Variants in SCML4 observed in about 807,000 individuals in gnomAD.
The protein encoded by SCML4 is sex comb on midleg-like protein 4.
Under a neutral mutation model 41.1 loss-of-function variants are expected in SCML4, and 34 were observed. The ratio of observed to expected loss-of-function variants is 0.83; its 90% CI spans 0.63 to 1.10. The LOEUF is 1.10. Among genes scored for constraint, SCML4 ranks in the 50% least tolerant of loss-of-function variants. SCML4 has a pLI of 0.00. For missense variants in SCML4, 522 were observed against 534.1 expected (o/e 0.98, Z 0.22); for synonymous variants, 214 against 220.9 (o/e 0.97, Z 0.28).
chr6:107,747,075 C>T (rs949384404), intron 3 of SCML4, among the ~76,000 whole-genome samples, 186 bp from the exon 4 acceptor site: 9 of 152,170 alleles, frequency 5.9e-5, no homozygotes, highest in African/African-American at 1.9e-4. Context: ...GAGTTAGACA[C>T]CCCAAGTGCC....
At chr6:107,712,018 A>C (rs1263032423) in intron 6 of SCML4, among the ~76,000 whole-genome samples, 4 of 152,124 alleles carry the variant, frequency 2.6e-5, no homozygotes, top group Non-Finnish European at 4.4e-5. Flanking sequence ...GGGTCCCATA[A>C]GGTGGTTTGG....
At position 107,764,415 on chromosome 6, in the gene SCML4, G is replaced by A. The variant is rs184201240; in HGVS notation, c.156+7757C>T. On this transcript the variant is annotated intron_variant, in intron 2 of 7. Coordinates refer to ENST00000369020, the MANE Select transcript of SCML4 (RefSeq NM_198081.5). ...ACAGTGAAAGCAGAAGGGGATGCTT[G>A]GAGGTGGGAGTGGAATGGCCCACCC... is the stretch of plus-strand genomic sequence containing the variant. 6.2e-4 allele frequency among the ~76,000 whole-genome samples: 94 copies of A among 152,344 alleles called. 1 individual carries two copies. The Middle Eastern group carries it at 0.024, about 39-fold the overall frequency.
At chr6:107,750,349 G>A (rs1778509024) in intron 2 of SCML4, among the ~76,000 whole-genome samples, 1 of 152,232 alleles carries the variant, frequency 6.6e-6, no homozygotes, top group African/African-American at 2.4e-5. Flanking sequence ...AACTAGGCTG[G>A]ATGTGGACAC....
chr6:107,716,110 T>C (rs898306260), intron 6 of SCML4, among the ~76,000 whole-genome samples: 2 of 152,192 alleles, frequency 1.3e-5, no homozygotes, highest in Non-Finnish European at 2.9e-5. Context: ...CAAGTCAGCA[T>C]GGTTTTTATC....
At position 107,702,444 on chromosome 6, in the gene SCML4, T is replaced by G. The variant is rs773988728; in HGVS notation, c.*2756A>C. Among the ~76,000 whole-genome samples, 2 of 152,172 alleles carry G rather than the reference T, an allele frequency of 1.3e-5. No individual in the cohort carries two copies. Among genetic ancestry groups the G allele is most frequent in the Non-Finnish European group, 2.9e-5 (2 of 68,022 alleles). Reference sequence around the variant, plus strand: ...GACTCTGTAGTGAAGGAGGCACTGATGAGGGTGGGTAGGAAGTTTTGAAAA... The same window carrying G: ...GACTCTGTAGTGAAGGAGGCACTGAGGAGGGTGGGTAGGAAGTTTTGAAAA... On this transcript the variant is annotated 3_prime_UTR_variant, in exon 8 of 8. Transcript: ENST00000369020.
At chr6:107,778,103 C>A (rs1192744738) in intron 1 of SCML4, among the ~76,000 whole-genome samples, 1 of 147,376 alleles carries the variant, frequency 6.8e-6, no homozygotes, top group African/African-American at 2.6e-5. Context: ...GTAGTCCCAG[C>A]TATTCGGGAG....
At chr6:107,841,072 C>T in the SCML4 span, among the ~76,000 whole-genome samples, 150 of 152,236 alleles carry the variant, frequency 9.9e-4, no homozygotes, top group Admixed American at 1.8e-3. Flanking sequence ...ACACCATCTC[C>T]CTCCTGTCAA....
chr6:107,786,019 G>C (rs1781866996), intron 1 of SCML4, among the ~76,000 whole-genome samples: 1 of 152,128 alleles, frequency 6.6e-6, no homozygotes, highest in Admixed American at 6.5e-5. Context: ...GGACAGCTAG[G>C]CTGAAGGCTC....
chr6:107,831,441 C>T, the SCML4 span, among the ~76,000 whole-genome samples: 2 of 145,302 alleles, frequency 1.4e-5, no homozygotes, highest in Non-Finnish European at 3.0e-5. Flanking sequence ...AAACCCAGCT[C>T]GTTGGTGAAT....
chr6:107,820,807 C>T (rs774409149), intron 1 of SCML4, among the ~76,000 whole-genome samples: 16 of 152,046 alleles, frequency 1.1e-4, no homozygotes, highest in Non-Finnish European at 1.6e-4. Context: ...TGGAGCACTG[C>T]GCTCTTGCAA....
At position 107,746,750 on chromosome 6, in the gene SCML4, G is replaced by A. The variant is rs769256462; in HGVS notation, c.426C>T (p.Ala142=). The change falls in exon 4 of 8, where the codon GCC becomes GCT. Residue 142 remains alanine (A), a synonymous_variant. Transcript: ENST00000369020. ...GGGAGAAGACCAGCTTCTGCTGGTG[G>A]GCGCAGTCGATGCAGGCTTGGACGG... ...QQAVQACIDC[A]HQQKLVFSLV... is the part of the protein sequence containing the mutation. 1.9e-6 allele frequency: 3 copies of A among 1,614,162 alleles called. No homozygotes were observed. The highest frequency in any genetic ancestry group is 4.5e-5 in the East Asian group (2 of 44,878).
chr6:107,740,479 G>A (rs900241333), intron 5 of SCML4, among the ~76,000 whole-genome samples: 6 of 152,214 alleles, frequency 3.9e-5, no homozygotes, highest in African/African-American at 1.4e-4. Flanking sequence ...CCCTTGGCTG[G>A]CAGAACAAAG....
intron 1 of SCML4, among the ~76,000 whole-genome samples, chr6:107,791,183 A>G (rs1782298914): frequency 6.6e-6 from 1 of 152,144 alleles, no homozygotes. Flanking sequence ...GGATGGAATT[A>G]GCCTACTGCT....
In SCML4 at chr6:107,741,471, G is replaced by A. The variant is rs182353426; in HGVS notation, c.682+3478C>T. On this transcript the variant is annotated intron_variant, in intron 5 of 7. Coordinates refer to ENST00000369020, the MANE Select transcript of SCML4 (RefSeq NM_198081.5). ...TAGGAAGCATTGAGAGTGCCCGAAG[G>A]GAGAAATATCCCTGAGGACAGCCAG... Among the ~76,000 whole-genome samples the A allele has an allele frequency of 1.5e-3, 233 of 152,346 alleles. 1 individual carries two copies. The highest frequency in any genetic ancestry group is 5.4e-3 in the African/African-American group (225 of 41,580).
upstream of SCML4, among the ~76,000 whole-genome samples, chr6:107,827,594 G>A (rs998424290): frequency 2.0e-5 from 3 of 152,124 alleles, no homozygotes; most frequent in Non-Finnish European, 2.9e-5. Context: ...AAAAGTGACC[G>A]CTCTGAGCTA....
chr6:107,753,707 TG>T (rs1778879830), intron 2 of SCML4, among the ~76,000 whole-genome samples: 1 of 152,206 alleles, frequency 6.6e-6, no homozygotes, highest in Admixed American at 6.5e-5. Flanking sequence ...GAAAAAATAG[TG>T]TTTTAATGCT....
the SCML4 span, among the ~76,000 whole-genome samples, chr6:107,829,692 A>T: frequency 6.6e-6 from 1 of 152,218 alleles, no homozygotes; most frequent in Admixed American, 6.5e-5. Context: ...ACCATGGCAC[A>T]TGTATACCTA....
chr6:107,707,901 C>A lies in SCML4; in HGVS notation c.1084G>T (p.Ala362Ser), dbSNP rs574679931. The A allele has an allele frequency of 2.6e-6, 4 of 1,551,728 alleles. No individual in the cohort carries two copies. In the East Asian group the frequency reaches 9.8e-5, roughly 38 times the overall value. ...VWFVKDADPQ[A>S]LGPHVELFRK... ...AAGAGCTCCACGTGAGGCCCCAGAG[C>A]CTGTGGGTCGGCGTCCTTCACAAAC... The change falls in exon 7 of 8, where the codon GCT becomes TCT. Residue 362 changes from alanine to serine, a missense_variant. Physicochemically the swap from Ala to Ser is moderately conservative, Grantham distance 99. Transcript: ENST00000369020.
At chr6:107,779,961 T>A (rs57211301) in intron 1 of SCML4, among the ~76,000 whole-genome samples, 1,609 of 152,300 alleles carry the variant, frequency 0.011, 31 homozygotes, top group African/African-American at 0.037. Context: ...GCTTATACAG[T>A]TTTCCCTTTG....
Sources: allele counts gnomAD v4.1 joint callset (sites outside exome capture counted in the v4.1 genomes callset), GRCh38; gene constraint gnomAD v4.1.1; transcripts MANE v1.5; gene names NCBI Gene and HGNC (gene_info 2026-07-23, HGNC 2026-07-21).